RARB: variants seen among roughly 807,000 people sequenced by gnomAD.
The protein encoded by RARB is HBV-activated protein.
A neutral mutation model predicts 51.9 loss-of-function variants in RARB; 17 were observed. The ratio of observed to expected loss-of-function variants is 0.33; its 90% CI spans 0.22 to 0.49. RARB has a LOEUF of 0.49. RARB is among the 20% of genes least tolerant of loss of function. The pLI, the probability that RARB is intolerant of heterozygous loss-of-function variation, is 0.99. For missense variants in RARB, 369 were observed against 550.8 expected, an observed-to-expected ratio of 0.67 and a Z score of 3.30; for synonymous variants, 215 against 195.4, an observed-to-expected ratio of 1.10 and a Z score of -0.84.
chr3:25,115,215 A>G (rs1286024648), intron 3 of RARB, among the ~76,000 whole-genome samples: 2 of 152,200 alleles, frequency 1.3e-5, no homozygotes, highest in Middle Eastern at 3.2e-3. Context: ...TTTACTTAAA[A>G]AAACTGTCTA....
intron 5 of RARB, among the ~76,000 whole-genome samples, chr3:25,287,958 G>A (rs1258872445): frequency 1.3e-5 from 2 of 152,066 alleles, no homozygotes; most frequent in Non-Finnish European, 2.9e-5. Context: ...TTATAAAGGG[G>A]AGGAGTGGAA....
intron 5 of RARB, among the ~76,000 whole-genome samples, chr3:25,219,707 T>C (rs1225465304): frequency 1.3e-5 from 2 of 152,156 alleles, no homozygotes; most frequent in South Asian, 2.1e-4. Flanking sequence ...TTCTGGACAA[T>C]TGAGTTGGAT....
chr3:25,544,770 T>C (rs922040763), intron 3 of RARB, among the ~76,000 whole-genome samples: 2 of 152,188 alleles, frequency 1.3e-5, no homozygotes, highest in African/African-American at 4.8e-5. Flanking sequence ...ACGGACTTTC[T>C]TTTTGCCTTC....
intron 2 of RARB, among the ~76,000 whole-genome samples, chr3:25,045,535 G>C (rs1698198113): frequency 6.6e-6 from 1 of 152,196 alleles, no homozygotes; most frequent in African/African-American, 2.4e-5. Context: ...CTCTGTTTGT[G>C]TTCAACTGTC....
At chr3:25,594,157 A>C (rs1380076350) in intron 6 of RARB, among the ~76,000 whole-genome samples, 1 of 152,182 alleles carries the variant, frequency 6.6e-6, no homozygotes, top group East Asian at 1.9e-4. Flanking sequence ...AGGAGGCTGA[A>C]TCGTAAGTGG....
chr3:25,511,433 C>T (rs891326577), intron 3 of RARB, among the ~76,000 whole-genome samples: 1 of 152,022 alleles, frequency 6.6e-6, no homozygotes, highest in Admixed American at 6.6e-5. Flanking sequence ...GCCCAGCCAA[C>T]CCTGTTTATT....
chr3:24,950,182 A>G (rs1695858791), intron 2 of RARB, among the ~76,000 whole-genome samples: 1 of 152,218 alleles, frequency 6.6e-6, no homozygotes, highest in Non-Finnish European at 1.5e-5. Flanking sequence ...TTTCTTCGGA[A>G]TTAATAGAGC....
intron 2 of RARB, among the ~76,000 whole-genome samples, chr3:24,937,985 C>A (rs1486653394): frequency 6.6e-6 from 1 of 152,144 alleles, no homozygotes; most frequent in East Asian, 1.9e-4. Flanking sequence ...TCACTTGATT[C>A]AGTACATTTC....
chr3:25,020,147 TA>T (rs1162316855), intron 2 of RARB: 3 of 30,108 alleles, frequency 1.0e-4, no homozygotes, highest in South Asian at 8.3e-4. Flanking sequence ...TTATTATTAT[TA>T]TTATTATTTT....
intron 2 of RARB, among the ~76,000 whole-genome samples, chr3:24,917,414 G>A (rs1466791098): frequency 6.6e-6 from 1 of 152,216 alleles, no homozygotes; most frequent in Non-Finnish European, 1.5e-5. Flanking sequence ...CATATTTGAT[G>A]AACTCATATC....
intron 2 of RARB, among the ~76,000 whole-genome samples, chr3:24,896,327 T>C (rs761135709): frequency 2.3e-4 from 35 of 152,278 alleles, no homozygotes; most frequent in Non-Finnish European, 4.4e-4. Flanking sequence ...TGGCGTGATC[T>C]CGGCTCACTG....
At chr3:25,149,362 T>A (rs993911791) in intron 4 of RARB, among the ~76,000 whole-genome samples, 7 of 152,250 alleles carry the variant, frequency 4.6e-5, no homozygotes. Context: ...AATATATTTA[T>A]GTAAATGTAC....
At chr3:25,262,413 C>T (rs1400613661) in intron 5 of RARB, among the ~76,000 whole-genome samples, 2 of 152,188 alleles carry the variant, frequency 1.3e-5, no homozygotes, top group African/African-American at 2.4e-5. Context: ...CTGAAAACAA[C>T]ACAAATTTAT....
chr3:25,400,570 TAAAC>T (rs1230177293), intron 5 of RARB, among the ~76,000 whole-genome samples: 1 of 152,162 alleles, frequency 6.6e-6, no homozygotes, highest in African/African-American at 2.4e-5. Flanking sequence ...ATATTTAAAA[TAAAC>T]AAAGAAGAGA....
At chr3:25,297,385 A>G (rs1157737888) in intron 5 of RARB, among the ~76,000 whole-genome samples, 2 of 144,150 alleles carry the variant, frequency 1.4e-5, no homozygotes, top group Non-Finnish European at 3.0e-5. Flanking sequence ...TGAAAAACTG[A>G]GTACTCAGAA....
intron 5 of RARB, among the ~76,000 whole-genome samples, chr3:25,240,818 G>C (rs1249479580): frequency 6.6e-6 from 1 of 152,082 alleles, no homozygotes; most frequent in African/African-American, 2.4e-5. Flanking sequence ...TCTTTGTCTG[G>C]TTTTTGTATC....
intron 3 of RARB, among the ~76,000 whole-genome samples, chr3:25,083,967 A>C (rs1699058594): frequency 1.3e-5 from 2 of 152,160 alleles, no homozygotes; most frequent in African/African-American, 4.8e-5. Flanking sequence ...AATGTTGTCC[A>C]GTACTGTGTG....
intron 7 of RARB, among the ~76,000 whole-genome samples, chr3:25,594,991 T>G (rs1486656373): frequency 6.6e-6 from 1 of 152,210 alleles, no homozygotes; most frequent in Non-Finnish European, 1.5e-5. Flanking sequence ...AATTCCAGCT[T>G]TCTACACATC....
chr3:25,250,637 A>G (rs994561957), intron 5 of RARB, among the ~76,000 whole-genome samples: 42 of 152,214 alleles, frequency 2.8e-4, no homozygotes, highest in African/African-American at 9.6e-4. Context: ...AGGGATGTCA[A>G]TTGGGCTTCA....
Sources: gnomAD v4.1 joint callset for allele counts (sites outside exome capture counted in the v4.1 genomes callset) on GRCh38, gnomAD v4.1.1 for gene constraint, MANE v1.5 for transcripts, NCBI Gene and HGNC (gene_info 2026-07-23, HGNC 2026-07-21) for gene names.